LRBA: variants seen among roughly 807,000 people sequenced by gnomAD.
LRBA encodes LPS responsive beige-like anchor protein, also known as lipopolysaccharide-responsive and beige-like anchor protein.
A neutral mutation model predicts 330.0 loss-of-function variants in LRBA; 176 were observed. The observed-to-expected ratio is 0.53, with a 90% confidence interval of 0.47 to 0.60. LRBA has a LOEUF of 0.60. LRBA is among the 20% of genes least tolerant of loss of function. LRBA has a pLI of 0.00. For synonymous variants in LRBA, 1,230 were observed against 1,193.0 expected (o/e 1.03, Z -0.64); for missense variants, 3,259 against 3,444.8 (o/e 0.95, Z 1.35).
intron 42 of LRBA, among the ~76,000 whole-genome samples, chr4:150,475,195 T>C (rs965370800): frequency 6.6e-6 from 1 of 152,298 alleles, no homozygotes; most frequent in African/African-American, 2.4e-5. Context: ...TTTAAAAAAA[T>C]GTGTCTGTGT....
intron 30 of LRBA, among the ~76,000 whole-genome samples, chr4:150,818,502 G>T (rs1178235192): frequency 6.6e-6 from 1 of 151,042 alleles, no homozygotes; most frequent in East Asian, 1.9e-4. Flanking sequence ...GAAGATTATT[G>T]ACTTAAGGGG....
chr4:150,766,042 A>G (rs1185587979), intron 34 of LRBA, among the ~76,000 whole-genome samples: 1 of 152,082 alleles, frequency 6.6e-6, no homozygotes, highest in Non-Finnish European at 1.5e-5. Flanking sequence ...TGTTTTATGG[A>G]GGCTCAGAAA....
chr4:150,265,371 C>CTAT lies in LRBA; in HGVS notation c.*348_*350dup, dbSNP rs920618690. 2.3e-5 allele frequency: 4 copies of CTAT among 172,574 alleles called. No individual in the cohort carries two copies. Among genetic ancestry groups the CTAT allele is most frequent in the East Asian group, 2.9e-4 (2 of 6,974 alleles). The allele number at this position is 172,574 out of a possible 1,614,324, so 10.7% of individuals were successfully genotyped here. On this transcript the variant is annotated 3_prime_UTR_variant, in exon 57 of 57. Coordinates refer to ENST00000651943, the MANE Select transcript of LRBA (RefSeq NM_001364905.1). ...AACCCACTTCCCCACTGTGAAAATC[C>CTAT]TATTTCTCAAGCTTGTAGATGCATG...
At chr4:150,974,306 G>T (rs1290802188) in intron 2 of LRBA, among the ~76,000 whole-genome samples, 1 of 152,094 alleles carries the variant, frequency 6.6e-6, no homozygotes, top group East Asian at 1.9e-4. Context: ...AGAGAAGAAG[G>T]TTACCTGAGA....
intron 37 of LRBA, among the ~76,000 whole-genome samples, chr4:150,635,736 T>C (rs1777828416): frequency 6.6e-6 from 1 of 152,188 alleles, no homozygotes; most frequent in African/African-American, 2.4e-5. Context: ...GTCAGGAAAC[T>C]AAAACTGATA....
At chr4:150,821,950 TAA>T (rs1745502761) in intron 30 of LRBA, among the ~76,000 whole-genome samples, 1 of 152,122 alleles carries the variant, frequency 6.6e-6, no homozygotes, top group East Asian at 1.9e-4. Flanking sequence ...TGATAATACT[TAA>T]GATATGAGGA....
At chr4:150,701,439 C>T (rs1785112392) in intron 36 of LRBA, among the ~76,000 whole-genome samples, 1 of 151,902 alleles carries the variant, frequency 6.6e-6, no homozygotes, top group Non-Finnish European at 1.5e-5. Flanking sequence ...CGAATGGAAA[C>T]ACAAGTTTGC....
At chr4:150,922,858 G>A (rs1733453979) in intron 4 of LRBA, among the ~76,000 whole-genome samples, 1 of 152,118 alleles carries the variant, frequency 6.6e-6, no homozygotes, top group Non-Finnish European at 1.5e-5. Flanking sequence ...CTATGGGATG[G>A]TATTATTATG....
At position 150,703,640 on chromosome 4, in the gene LRBA, T is replaced by A. The variant is rs1053151268; in HGVS notation, c.5755-19923A>T. Among the ~76,000 whole-genome samples the A allele has an allele frequency of 4.6e-5, 7 of 152,292 alleles. 1 individual carries two copies. In the East Asian group the frequency reaches 9.6e-4, roughly 21 times the overall value. The stretch of plus-strand genomic sequence containing the variant: ...AAGAATATAATCCAGAAATTGCTAA[T>A]GTAACGTCCATAACAAAACAAAAGG... On this transcript the variant is annotated intron_variant, in intron 36 of 56. Coordinates refer to ENST00000651943, the MANE Select transcript of LRBA (RefSeq NM_001364905.1).
intron 40 of LRBA, among the ~76,000 whole-genome samples, chr4:150,526,055 G>C (rs1313412767): frequency 2.0e-5 from 3 of 152,088 alleles, no homozygotes; most frequent in African/African-American, 7.2e-5. Context: ...TACAAAGGAA[G>C]ATTCATTTGT....
chr4:150,305,226 G>A (rs1283224728), intron 52 of LRBA, among the ~76,000 whole-genome samples: 1 of 152,094 alleles, frequency 6.6e-6, no homozygotes, highest in Non-Finnish European at 1.5e-5. Context: ...TGAGGACAAA[G>A]GGAAAAAATG....
intron 31 of LRBA, among the ~76,000 whole-genome samples, chr4:150,809,897 TACG>T (rs1560850126): frequency 2.6e-5 from 4 of 150,996 alleles, no homozygotes; most frequent in African/African-American, 9.8e-5. Flanking sequence ...TACGATACGA[TACG>T]ATACGATACG....
intron 34 of LRBA, among the ~76,000 whole-genome samples, chr4:150,792,593 C>G (rs901541673): frequency 3.9e-5 from 6 of 152,130 alleles, no homozygotes; most frequent in Admixed American, 3.9e-4. Flanking sequence ...ACTGTAACCT[C>G]GAATCTTTGG....
In LRBA at chr4:150,275,427, C is replaced by G. The variant is rs887358884; in HGVS notation, c.8468+2426G>C. ...TTCAACATAGTATTGGAAGTTCTGG[C>G]CAGGGCAATCAGGCAAGAGAAAGAA... On this transcript the variant is annotated intron_variant, in intron 56 of 56. Transcript: ENST00000651943. Among the ~76,000 whole-genome samples, 21 of 152,088 alleles carry G rather than the reference C, an allele frequency of 1.4e-4. 1 individual carries two copies. Among genetic ancestry groups the G allele is most frequent in the Non-Finnish European group, 1.5e-5 (1 of 68,020 alleles).
chr4:150,950,540 T>C (rs1368806957), intron 2 of LRBA, among the ~76,000 whole-genome samples: 1 of 150,514 alleles, frequency 6.6e-6, no homozygotes, highest in African/African-American at 2.4e-5. Flanking sequence ...TTAGGGTACA[T>C]GAAAGAAAGA....
At chr4:150,492,601 A>G (rs2152107157) in intron 40 of LRBA, among the ~76,000 whole-genome samples, 1 of 152,286 alleles carries the variant, frequency 6.6e-6, no homozygotes, top group East Asian at 1.9e-4. Flanking sequence ...TACCATGACC[A>G]GAGGACCCTT....
chr4:150,651,116 T>C (rs1405042885), intron 37 of LRBA, among the ~76,000 whole-genome samples: 1 of 152,200 alleles, frequency 6.6e-6, no homozygotes, highest in Non-Finnish European at 1.5e-5. Context: ...GAAAATTATA[T>C]GCTAATTATT....
chr4:150,270,800 C>T (rs145412540), intron 56 of LRBA, among the ~76,000 whole-genome samples: 219 of 152,294 alleles, frequency 1.4e-3, no homozygotes, highest in African/African-American at 4.5e-3. Flanking sequence ...TAAGCCCTAT[C>T]TTTCAGGGGA....
intron 16 of LRBA, among the ~76,000 whole-genome samples, chr4:150,895,935 T>C (rs1317503746): frequency 2.0e-5 from 3 of 152,182 alleles, no homozygotes; most frequent in Non-Finnish European, 4.4e-5. Flanking sequence ...CCACATCCTC[T>C]CCAGCACCTA....
Sources: allele counts gnomAD v4.1 joint callset (sites outside exome capture counted in the v4.1 genomes callset), GRCh38; gene constraint gnomAD v4.1.1; transcripts MANE v1.5; gene names NCBI Gene and HGNC (gene_info 2026-07-23, HGNC 2026-07-21).